The following CENPP variants were observed in gnomAD, a reference collection of about 807,000 sequenced individuals.
CENPP encodes the protein centromere protein P.
CENPP carries 24 observed loss-of-function variants against 35.6 expected under a neutral mutation model. That is an observed-to-expected ratio of 0.67 (90% confidence interval 0.49 to 0.95). The LOEUF is 0.95. Among genes scored for constraint, CENPP ranks in the 40% least tolerant of loss-of-function variants. The pLI, the probability that CENPP is intolerant of heterozygous loss-of-function variation, is 0.00. For missense variants in CENPP, 332 were observed against 345.3 expected, an observed-to-expected ratio of 0.96 and a Z score of 0.31; for synonymous variants, 120 against 125.5, an observed-to-expected ratio of 0.96 and a Z score of 0.29.
chr9:92,389,372 C>T (rs1007810166), intron 5 of CENPP, among the ~76,000 whole-genome samples: 1 of 152,148 alleles, frequency 6.6e-6, no homozygotes, highest in Non-Finnish European at 1.5e-5. Flanking sequence ...TACATGCTCT[C>T]ATGAAATTCA....
intron 5 of CENPP, among the ~76,000 whole-genome samples, chr9:92,430,984 C>T (rs566380259): frequency 1.6e-4 from 25 of 152,118 alleles, no homozygotes; most frequent in Non-Finnish European, 2.6e-4. Flanking sequence ...TTAGTAGAGA[C>T]AGGGTTTCAC....
chr9:92,411,440 A>G (rs918350715), intron 5 of CENPP, among the ~76,000 whole-genome samples: 1 of 151,994 alleles, frequency 6.6e-6, no homozygotes, highest in African/African-American at 2.4e-5. Context: ...GACTACAGGC[A>G]TGCACCACCA....
At chr9:92,374,241 C>CTCTGTG (rs374872756) in intron 4 of CENPP, among the ~76,000 whole-genome samples, 6 of 142,756 alleles carry the variant, frequency 4.2e-5, no homozygotes, top group Admixed American at 7.0e-5. Flanking sequence ...TTGCTGTTTG[C>CTCTGTG]TGTGTGTGTG....
intron 5 of CENPP, among the ~76,000 whole-genome samples, chr9:92,407,734 G>A (rs891885675): frequency 6.6e-6 from 1 of 152,080 alleles, no homozygotes; most frequent in Non-Finnish European, 1.5e-5. Context: ...AACCTTCTGA[G>A]TAGCTGGGAC....
intron 5 of CENPP, among the ~76,000 whole-genome samples, chr9:92,544,383 C>T (rs1412360134): frequency 2.0e-5 from 3 of 152,078 alleles, no homozygotes; most frequent in East Asian, 3.9e-4. Context: ...GGCTGAGGCA[C>T]GAGAATCGCT....
chr9:92,423,793 C>T (rs1354990499), intron 5 of CENPP, among the ~76,000 whole-genome samples: 1 of 152,030 alleles, frequency 6.6e-6, no homozygotes, highest in Non-Finnish European at 1.5e-5. Context: ...TACAAATGCC[C>T]ATCAACCCCC....
chr9:92,558,329 G>T (rs188121984), intron 5 of CENPP, among the ~76,000 whole-genome samples: 4 of 152,284 alleles, frequency 2.6e-5, no homozygotes, highest in Non-Finnish European at 4.4e-5. Flanking sequence ...GTCCCATGGG[G>T]TGTTCCCTTG....
Position 92,472,272 on chromosome 9 carries a change from G to A in CENPP, c.564+92413G>A, listed in dbSNP as rs1193203662. Among the ~76,000 whole-genome samples the A allele has an allele frequency of 9.2e-5, 14 of 152,162 alleles. No homozygotes were observed. The East Asian group carries it at 2.5e-3, about 27-fold the overall frequency. On this transcript the variant is annotated intron_variant, in intron 5 of 7. Coordinates refer to ENST00000375587, the MANE Select transcript of CENPP (RefSeq NM_001012267.3). ...CTCGGGAGGCTGAGTCAGGAGAATC[G>A]CTTGAACCCAGGAGGCAGAGGTTGC...
chr9:92,475,014 G>T, intron 5 of CENPP: 1 of 1,297,502 alleles, frequency 7.7e-7, no homozygotes, highest in Non-Finnish European at 1.0e-6. Flanking sequence ...CAATGAAATG[G>T]CATTTTAATC....
At chr9:92,394,408 A>ATT (rs34978081) in intron 5 of CENPP, among the ~76,000 whole-genome samples, 78 of 130,948 alleles carry the variant, frequency 6.0e-4, no homozygotes, top group African/African-American at 9.1e-4. Context: ...ACACATGGCT[A>ATT]TTTTTTTTTT....
intron 5 of CENPP, among the ~76,000 whole-genome samples, chr9:92,551,955 T>TATATATG (rs1849606808): frequency 1.7e-5 from 2 of 119,746 alleles, no homozygotes; most frequent in African/African-American, 8.3e-5. Flanking sequence ...ATATATATGA[T>TATATATG]ATATATATGT....
intron 4 of CENPP, among the ~76,000 whole-genome samples, chr9:92,347,937 G>A (rs1841338684): frequency 6.6e-6 from 1 of 151,880 alleles, no homozygotes; most frequent in Non-Finnish European, 1.5e-5. Flanking sequence ...GTTTTGTTTT[G>A]TTTTGAGATG....
rs77439188 is a variant in CENPP, at chr9:92,618,590, T to C, written c.*5441T>C. The C allele has an allele frequency of 5.6e-3, 2,557 of 456,562 alleles. 36 individuals carry two copies. Among genetic ancestry groups the C allele is most frequent in the African/African-American group, 0.04 (1,988 of 50,172 alleles). The allele number at this position is 456,562 out of a possible 1,614,324, so 28.3% of individuals were successfully genotyped here. Reference sequence around the variant, plus strand: ...CTCTCATCGAACACCACCAGCTTAATCCAGTTAAGGAATTCCTCATAACTT... The same window carrying C: ...CTCTCATCGAACACCACCAGCTTAACCCAGTTAAGGAATTCCTCATAACTT... On this transcript the variant is annotated 3_prime_UTR_variant, in exon 8 of 8. Transcript: ENST00000375587.
Position 92,332,305 on chromosome 9 carries a change from C to T in CENPP, c.243C>T (p.His81=), listed in dbSNP as rs138231237. The T allele has an allele frequency of 2.6e-3, 4,123 of 1,609,310 alleles. 9 individuals carry two copies. Among genetic ancestry groups the T allele is most frequent in the Non-Finnish European group, 3.2e-3 (3,806 of 1,178,240 alleles). ...TTACTGGCATCAATATAAGAAATCA[C>T]TCCAAGCAGACAGAAGACCTAACAA... ...STLTGINIRN[H]SKQTEDLTST... is the part of the protein sequence containing the mutation. Residue 81 remains histidine (H), a synonymous_variant, in exon 2 of 8, where the codon CAC becomes CAT. Coordinates refer to ENST00000375587, the MANE Select transcript of CENPP (RefSeq NM_001012267.3).
chr9:92,435,414 T>C (rs1844223299), intron 5 of CENPP, among the ~76,000 whole-genome samples: 1 of 152,206 alleles, frequency 6.6e-6, no homozygotes, highest in African/African-American at 2.4e-5. Context: ...AGAAACCGTG[T>C]ACCCTTTACC....
chr9:92,350,239 C>T (rs1232325847), intron 4 of CENPP, among the ~76,000 whole-genome samples: 7 of 152,156 alleles, frequency 4.6e-5, no homozygotes, highest in Non-Finnish European at 1.0e-4. Flanking sequence ...TGGGTTACTG[C>T]CAACATTTTA....
At chr9:92,384,601 G>T (rs533844931) in intron 5 of CENPP, 2 of 152,226 alleles carry the variant, frequency 1.3e-5, no homozygotes, top group South Asian at 2.1e-4. Context: ...AGTTAGCCAT[G>T]TCAGTTTATC....
At chr9:92,573,302 T>G (rs1850194343) in intron 5 of CENPP, among the ~76,000 whole-genome samples, 1 of 152,198 alleles carries the variant, frequency 6.6e-6, no homozygotes, top group Non-Finnish European at 1.5e-5. Flanking sequence ...TTCTGTTTGT[T>G]AGTTTTCCTT....
chr9:92,546,965 C>G (rs768788771), intron 5 of CENPP, among the ~76,000 whole-genome samples: 9 of 152,154 alleles, frequency 5.9e-5, no homozygotes, highest in Non-Finnish European at 1.3e-4. Context: ...ATATTACAAA[C>G]TGACAGGGAC....
Sources: gnomAD v4.1 joint callset for allele counts (sites outside exome capture counted in the v4.1 genomes callset) on GRCh38, gnomAD v4.1.1 for gene constraint, MANE v1.5 for transcripts, NCBI Gene and HGNC (gene_info 2026-07-23, HGNC 2026-07-21) for gene names.